Variants in CRBN observed in about 807,000 individuals in gnomAD.
The protein encoded by CRBN is cereblon.
CRBN carries 53 observed loss-of-function variants against 62.2 expected under a neutral mutation model. The ratio of observed to expected loss-of-function variants is 0.85; its 90% CI spans 0.68 to 1.07. The LOEUF (loss-of-function observed/expected upper bound fraction) is 1.07. Ranked by LOEUF, CRBN falls within the 50% of genes least tolerant of loss-of-function variation. The pLI is 0.00. For missense variants in CRBN, 616 were observed against 531.1 expected (o/e 1.16, Z -1.57); for synonymous variants, 208 against 176.1 (o/e 1.18, Z -1.43).
intron 1 of CRBN, among the ~76,000 whole-genome samples, chr3:3,177,990 GAAAAACA>G (rs1438559149): frequency 2.0e-5 from 3 of 146,472 alleles, no homozygotes; most frequent in African/African-American, 7.4e-5. Context: ...ACGCTTTTCT[GAAAAACA>G]AAAAACAAAA....
At chr3:3,152,769 A>T (rs1246451468) in intron 9 of CRBN, among the ~76,000 whole-genome samples, 182 bp from the exon 10 acceptor site, 1 of 152,202 alleles carries the variant, frequency 6.6e-6, no homozygotes, top group Non-Finnish European at 1.5e-5. Context: ...GCTGGCAGAC[A>T]GGCCTGTTTT....
chr3:3,162,961 A>T (rs749404029), intron 5 of CRBN, among the ~76,000 whole-genome samples: 2 of 152,228 alleles, frequency 1.3e-5, no homozygotes, highest in Non-Finnish European at 2.9e-5. Flanking sequence ...CTAGCGTCCC[A>T]CTAAAGGTGC....
rs1707774600 is a variant in CRBN, at chr3:3,175,032, GCA to G, written c.174+129_174+130del. On this transcript the variant is annotated intron_variant, in intron 2 of 10. Transcript: ENST00000231948. ...ATTACAGTTAAATGTTTATCTACTG[GCA>G]AATAGCCCATGTCCTCATCCACAAT... 2.2e-4 allele frequency: 145 copies of G among 650,018 alleles called. 4 individuals are homozygous for G. The highest frequency in any genetic ancestry group is 1.3e-3 in the Admixed American group (51 of 37,798). The allele number at this position is 650,018 out of a possible 1,614,324, so 40.3% of individuals were successfully genotyped here.
At chr3:3,167,407 C>T (rs1345037540) in intron 5 of CRBN, 12 of 471,932 alleles carry the variant, frequency 2.5e-5, no homozygotes, top group Non-Finnish European at 4.6e-5. Context: ...AGCTGATAAG[C>T]ATAATAACAA....
intron 5 of CRBN, among the ~76,000 whole-genome samples, chr3:3,162,831 T>C (rs1402649912): frequency 6.6e-6 from 1 of 152,200 alleles, no homozygotes; most frequent in African/African-American, 2.4e-5. Flanking sequence ...TATGCAGTAC[T>C]TCAGATTATG....
At chr3:3,157,484 T>A (rs890653005) in intron 5 of CRBN, among the ~76,000 whole-genome samples, 1 of 152,088 alleles carries the variant, frequency 6.6e-6, no homozygotes, top group African/African-American at 2.4e-5. Flanking sequence ...CAAGGTAACA[T>A]TTAACAAAAC....
At chr3:3,163,292 C>T (rs1707211177) in intron 5 of CRBN, among the ~76,000 whole-genome samples, 2 of 152,186 alleles carry the variant, frequency 1.3e-5, no homozygotes, top group Admixed American at 6.5e-5. Context: ...CCTTCTCATT[C>T]CTTAGCATCG....
intron 3 of CRBN, among the ~76,000 whole-genome samples, chr3:3,173,286 G>T (rs892902885): frequency 6.6e-6 from 1 of 152,090 alleles, no homozygotes; most frequent in Non-Finnish European, 1.5e-5. Context: ...TCAAACTCCC[G>T]ACCTCAGGTG....
chr3:3,170,575 A>G (rs1451935587), intron 4 of CRBN, among the ~76,000 whole-genome samples: 1 of 152,224 alleles, frequency 6.6e-6, no homozygotes, highest in Admixed American at 6.5e-5. Flanking sequence ...TCTGATACAG[A>G]AAAAGACGAG....
chr3:3,168,967 T>C (rs758625423), intron 4 of CRBN, among the ~76,000 whole-genome samples: 4 of 152,168 alleles, frequency 2.6e-5, no homozygotes, highest in Non-Finnish European at 5.9e-5. Context: ...TTCACCTGAT[T>C]CATGAACACA....
intron 1 of CRBN, among the ~76,000 whole-genome samples, chr3:3,177,327 C>T (rs1040225736): frequency 1.3e-5 from 2 of 152,178 alleles, no homozygotes; most frequent in Non-Finnish European, 2.9e-5. Context: ...AGGCCCCTGA[C>T]AGAAAATAAA....
chr3:3,175,030 TGGC>T (rs1559258038), intron 2 of CRBN, 130 bp downstream of exon 2: 25 of 642,818 alleles, frequency 3.9e-5, no homozygotes, highest in Non-Finnish European at 6.1e-5. Context: ...GTTTATCTAC[TGGC>T]AAATAGCCCA....
At chr3:3,165,169 G>C (rs902358215) in intron 5 of CRBN, among the ~76,000 whole-genome samples, 1 of 152,186 alleles carries the variant, frequency 6.6e-6, no homozygotes, top group Non-Finnish European at 1.5e-5. Flanking sequence ...CATGGATTAG[G>C]AGTTGCTTCT....
rs766308786 is a variant in CRBN, at chr3:3,167,703, C to A, written c.618G>T (p.Gln206His). 6.2e-7 allele frequency: 1 copy of A among 1,613,602 alleles called. No homozygotes were observed. Among genetic ancestry groups the A allele is most frequent in the Middle Eastern group, 1.7e-4 (1 of 6,058 alleles). Reference sequence around the variant, plus strand: ...TTGAGACAGGTTTTGAAGGAAATATCTGGCACTTATTGAGGGATTCTAATT... The same window carrying A: ...TTGAGACAGGTTTTGAAGGAAATATATGGCACTTATTGAGGGATTCTAATT... ...AVQLESLNKC[Q>H]IFPSKPVSRE... is the part of the protein sequence containing the mutation. The change falls in exon 5 of 11, where the codon CAG (glutamine) becomes CAT (histidine). Residue 206 changes from glutamine (Q) to histidine (H), a missense_variant. By Grantham distance (24) the Gln-to-His change is conservative (BLOSUM62 0). Transcript: ENST00000231948.
At position 3,167,686 on chromosome 3, in the gene CRBN, G is replaced by A; in HGVS notation, c.635C>T (p.Pro212Leu). 6.2e-7 allele frequency: 1 copy of A among 1,613,494 alleles called. No homozygotes were observed. Among genetic ancestry groups the A allele is most frequent in the South Asian group, 1.1e-5 (1 of 91,062 alleles). ...LNKCQIFPSK[P>L]VSREDQCSYK... Reference sequence around the variant, plus strand: ...TGAACATTGGTCTTCTCTTGAGACAGGTTTTGAAGGAAATATCTGGCACTT... The same window carrying A: ...TGAACATTGGTCTTCTCTTGAGACAAGTTTTGAAGGAAATATCTGGCACTT... Residue 212 changes from proline (P) to leucine (L), a missense_variant, in exon 5 of 11, where the codon CCT becomes CTT. Physicochemically the swap from Pro to Leu is moderately conservative, Grantham distance 98. Coordinates refer to ENST00000231948, the MANE Select transcript of CRBN (RefSeq NM_016302.4).
chr3:3,170,296 TA>T (rs1707550795), intron 4 of CRBN, among the ~76,000 whole-genome samples: 1 of 152,246 alleles, frequency 6.6e-6, no homozygotes, highest in African/African-American at 2.4e-5. Context: ...AGTGTACTTT[TA>T]ATAAATGAAG....
intron 5 of CRBN, among the ~76,000 whole-genome samples, chr3:3,162,803 A>T (rs903982023): frequency 2.0e-5 from 3 of 152,212 alleles, no homozygotes; most frequent in African/African-American, 7.2e-5. Context: ...CTACTCAGAC[A>T]CAGAGACAGA....
intron 5 of CRBN, chr3:3,156,527 T>C: frequency 3.9e-6 from 2 of 518,732 alleles, no homozygotes; most frequent in South Asian, 2.3e-5. Flanking sequence ...CATTAAAATT[T>C]CAATGCTGAA....
At chr3:3,157,798 A>C (rs1461345409) in intron 5 of CRBN, among the ~76,000 whole-genome samples, 1 of 152,216 alleles carries the variant, frequency 6.6e-6, no homozygotes, top group Non-Finnish European at 1.5e-5. Flanking sequence ...GTTTTAACAG[A>C]AGACTAGAAT....
Sources: gnomAD v4.1 joint callset for allele counts (sites outside exome capture counted in the v4.1 genomes callset) on GRCh38, gnomAD v4.1.1 for gene constraint, MANE v1.5 for transcripts, NCBI Gene and HGNC (gene_info 2026-07-23, HGNC 2026-07-21) for gene names.